Variants in RMDN1 observed in about 807,000 individuals in gnomAD.
RMDN1 encodes the protein regulator of microtubule dynamics protein 1.
A neutral mutation model predicts 48.9 loss-of-function variants in RMDN1; 48 were observed. That is an observed-to-expected ratio of 0.98 (90% CI 0.78 to 1.25). RMDN1 has a LOEUF of 1.25. Ranked by LOEUF, RMDN1 falls within the 50% of genes most tolerant of loss-of-function variation. The pLI, the probability that RMDN1 is intolerant of heterozygous loss-of-function variation, is 0.00. For missense variants in RMDN1, 418 were observed against 373.4 expected (o/e 1.12, Z -0.98); for synonymous variants, 148 against 132.6 (o/e 1.12, Z -0.80).
intron 2 of RMDN1, among the ~76,000 whole-genome samples, chr8:86,497,924 G>A (rs1025356486): frequency 2.4e-4 from 36 of 151,766 alleles, no homozygotes; most frequent in Admixed American, 9.8e-4. Flanking sequence ...GAGAAATCCC[G>A]TCTCTACTGA....
intron 2 of RMDN1, among the ~76,000 whole-genome samples, chr8:86,495,162 A>G (rs913021469): frequency 6.6e-6 from 1 of 152,078 alleles, no homozygotes; most frequent in African/African-American, 2.4e-5. Context: ...TTGAGAGTGG[A>G]TATGGGGAGG....
intron 2 of RMDN1, among the ~76,000 whole-genome samples, chr8:86,500,734 C>G (rs1818070053): frequency 6.6e-6 from 1 of 152,156 alleles, no homozygotes; most frequent in Non-Finnish European, 1.5e-5. Context: ...CAAAGTGACA[C>G]ACACGTCCTT....
rs937186313 is a variant in RMDN1 at position 86,514,241 on chromosome 8, C to A, written c.-4+1G>T. ...TTATTTTGGTGCACCAAACCACTTA[C>A]CTTAAAGTCAGTTTTGCCTTTTCAG... On this transcript the variant is annotated splice_donor_variant, in intron 1 of 9. Coordinates refer to the RMDN1 transcript ENST00000523911. LOFTEE classifies it low-confidence loss of function (5UTR_SPLICE). The A allele has an allele frequency of 6.1e-6, 6 of 984,982 alleles. No individual in the cohort carries two copies. The African/African-American group carries it at 1.0e-4, about 17-fold the overall frequency. The allele number at this position is 984,982 out of a possible 1,614,324, so 61.0% of individuals were successfully genotyped here.
chr8:86,512,133 T>C (rs1398270560), upstream of RMDN1, among the ~76,000 whole-genome samples: 2 of 152,220 alleles, frequency 1.3e-5, no homozygotes, highest in East Asian at 1.9e-4. Flanking sequence ...GCTATGGCAC[T>C]ATGTATTTAG....
At chr8:86,474,425 T>A in intron 9 of RMDN1, 67 bp from the exon 10 acceptor site, 1 of 1,337,346 alleles carries the variant, frequency 7.5e-7, no homozygotes, top group South Asian at 1.2e-5. Flanking sequence ...GAAATTTAAG[T>A]TTATAAAGTG....
At chr8:86,477,390 TTG>T in intron 7 of RMDN1, 66 bp from the exon 8 acceptor site, 2 of 1,304,666 alleles carry the variant, frequency 1.5e-6, no homozygotes, top group Non-Finnish European at 2.1e-6. Flanking sequence ...TAAAAAAGCA[TTG>T]TCTCAAAGAT....
intron 2 of RMDN1, chr8:86,504,583 C>G: frequency 9.1e-7 from 1 of 1,104,710 alleles, no homozygotes; most frequent in Non-Finnish European, 1.4e-6. Flanking sequence ...AAGGCGGACC[C>G]TGCATATGAT....
chr8:86,493,929 T>C (rs940534168), intron 2 of RMDN1, among the ~76,000 whole-genome samples: 3 of 152,146 alleles, frequency 2.0e-5, no homozygotes, highest in Non-Finnish European at 4.4e-5. Flanking sequence ...GAAACACTTC[T>C]AGTCCCAAGC....
At chr8:86,505,061 T>G (rs1246964823) in intron 2 of RMDN1, 3 of 1,431,234 alleles carry the variant, frequency 2.1e-6, no homozygotes, top group Non-Finnish European at 2.8e-6. Context: ...CCACCACCAA[T>G]GTCTAAGTCA....
intron 2 of RMDN1, among the ~76,000 whole-genome samples, chr8:86,500,411 A>G (rs1032405946): frequency 6.6e-6 from 1 of 152,140 alleles, no homozygotes; most frequent in Non-Finnish European, 1.5e-5. Flanking sequence ...GCAGCAGCCA[A>G]TAAACATGAA....
In RMDN1 at chr8:86,507,034, C is replaced by G; in HGVS notation, c.208G>C (p.Val70Leu). 2 of 1,612,566 alleles carry G rather than the reference C, an allele frequency of 1.2e-6. No individual in the cohort carries two copies. Among genetic ancestry groups the G allele is most frequent in the South Asian group, 1.1e-5 (1 of 91,054 alleles). The change falls in exon 2 of 10, where the codon GTT (valine) becomes CTT (leucine). Residue 70 changes from valine to leucine, a missense_variant. Transcript: ENST00000406452. ...TGAACCACAGCAGCCTGAGAGATAACCTGGTAAGTTTCAAAACCCAAATAC... is the reference window on the plus strand; with the variant it reads ...TGAACCACAGCAGCCTGAGAGATAAGCTGGTAAGTTTCAAAACCCAAATAC... ...LSYLGFETYQ[V>L]ISQAAVVHAT... is the part of the protein sequence containing the mutation.
Position 86,502,010 on chromosome 8 carries a change from AC to A in RMDN1, c.247+4984del, listed in dbSNP as rs1818318372. ...CACAGATAAATGAAATCAATAGATA[AC>A]TAGCAATCTTTAGATCATGTTCTCA... On this transcript the variant is annotated intron_variant, in intron 2 of 9. Coordinates refer to ENST00000406452, the MANE Select transcript of RMDN1 (RefSeq NM_016033.3). Among the ~76,000 whole-genome samples the A allele has an allele frequency of 3.9e-5, 6 of 152,180 alleles. No individual in the cohort carries two copies. The South Asian group carries it at 1.2e-3, about 31-fold the overall frequency.
rs374985237 is a variant in RMDN1 at position 86,508,583 on chromosome 8, A to G, written c.38T>C (p.Phe13Ser). 1.2e-6 allele frequency: 2 copies of G among 1,604,822 alleles called. No individual in the cohort carries two copies. The highest frequency in any genetic ancestry group is 1.7e-6 in the Non-Finnish European group (2 of 1,177,060). Residue 13 changes from phenylalanine to serine, a missense_variant, in exon 1 of 10, where the codon TTC becomes TCC. By Grantham distance (155) the Phe-to-Ser change is radical. Transcript: ENST00000406452. Reference sequence around the variant, plus strand: ...AGACCCCGGGGCGGCTCCACGTCGGAAAGGCAGAAGGCGCCACAGTCGAGC... The same window carrying G: ...AGACCCCGGGGCGGCTCCACGTCGGGAAGGCAGAAGGCGCCACAGTCGAGC... ...LAARLWRLLP[F>S]RRGAAPGSRL...
At chr8:86,499,248 T>A (rs773580053) in intron 2 of RMDN1, among the ~76,000 whole-genome samples, 15 of 152,044 alleles carry the variant, frequency 9.9e-5, no homozygotes, top group Non-Finnish European at 2.1e-4. Context: ...AGGAAAGGCA[T>A]CCAAATAGAA....
intron 8 of RMDN1, among the ~76,000 whole-genome samples, chr8:86,476,863 T>C (rs1563584397): frequency 6.6e-6 from 1 of 151,886 alleles, no homozygotes; most frequent in Non-Finnish European, 1.5e-5. Flanking sequence ...ACCTGGCTAA[T>C]TTTTATTTTT....
At chr8:86,471,869 A>G (rs946479944), downstream of RMDN1, among the ~76,000 whole-genome samples, 1 of 152,228 alleles carries the variant, frequency 6.6e-6, no homozygotes, top group African/African-American at 2.4e-5. Flanking sequence ...GGCCTATTCA[A>G]AAAGTCAATG....
Position 86,472,770 on chromosome 8 carries a change from TCA to T in RMDN1, c.*1536_*1537del. 9.6e-6 allele frequency: 3 copies of T among 313,630 alleles called. No homozygotes were observed. In the Middle Eastern group the frequency reaches 2.7e-3, roughly 286 times the overall value. 19.4% of individuals were successfully genotyped at this position (313,630 alleles called of 1,614,324 possible). ...AACTGCTTATTGGTAGCATATACATTCAGTCAGGAATGATGGTGACATCAACC... is the reference window on the plus strand; with the variant it reads ...AACTGCTTATTGGTAGCATATACATTGTCAGGAATGATGGTGACATCAACC... On this transcript the variant is annotated 3_prime_UTR_variant, in exon 10 of 10. Coordinates refer to ENST00000406452, the MANE Select transcript of RMDN1 (RefSeq NM_016033.3).
upstream of RMDN1, chr8:86,508,845 C>T: frequency 8.0e-7 from 1 of 1,252,820 alleles, no homozygotes; most frequent in East Asian, 3.4e-5. Context: ...ACTTTCCGCG[C>T]CTGCGTCCAG....
At chr8:86,480,214 AT>A in intron 6 of RMDN1, 62 bp downstream of exon 6, 1 of 802,750 alleles carries the variant, frequency 1.2e-6, no homozygotes, top group Non-Finnish European at 2.0e-6. Context: ...AAAAGAAGAT[AT>A]TTATACATAC....
Sources: gnomAD v4.1 joint callset for allele counts (sites outside exome capture counted in the v4.1 genomes callset) on GRCh38, gnomAD v4.1.1 for gene constraint, MANE v1.5 for transcripts, NCBI Gene and HGNC (gene_info 2026-07-23, HGNC 2026-07-21) for gene names.